Variants in DYRK1A observed in about 807,000 individuals in gnomAD.
The protein encoded by DYRK1A is dual specificity tyrosine phosphorylation regulated kinase 1A, also known as dual specificity tyrosine-phosphorylation-regulated kinase 1A.
DYRK1A carries 9 observed loss-of-function variants against 79.7 expected under a neutral mutation model. That is an observed-to-expected ratio of 0.11 (90% CI 0.07 to 0.20). The LOEUF (loss-of-function observed/expected upper bound fraction) is 0.20. DYRK1A is among the 10% of genes least tolerant of loss of function. The pLI, the probability that DYRK1A is intolerant of heterozygous loss-of-function variation, is 1.00. For missense variants in DYRK1A, 622 were observed against 956.0 expected, an observed-to-expected ratio of 0.65 and a Z score of 4.61; for synonymous variants, 349 against 329.7, an observed-to-expected ratio of 1.06 and a Z score of -0.63.
chr21:37,467,404 A>AT (rs909545886), intron 2 of DYRK1A, among the ~76,000 whole-genome samples: 7 of 151,988 alleles, frequency 4.6e-5, no homozygotes, highest in Non-Finnish European at 8.8e-5. Flanking sequence ...TAATGTTTTA[A>AT]TTTTTTTGTA....
intron 5 of DYRK1A, among the ~76,000 whole-genome samples, chr21:37,485,500 T>TA (rs1045956160): frequency 6.6e-6 from 1 of 152,220 alleles, no homozygotes; most frequent in African/African-American, 2.4e-5. Flanking sequence ...TCTGAGAACA[T>TA]ACGTTTCATC....
intron 2 of DYRK1A, among the ~76,000 whole-genome samples, chr21:37,458,203 C>G (rs1214084180): frequency 6.7e-6 from 1 of 150,260 alleles, no homozygotes; most frequent in Non-Finnish European, 1.5e-5. Flanking sequence ...CTGTAATATG[C>G]CTGTAGGCAC....
chr21:37,367,134 T>G lies in DYRK1A; in HGVS notation c.-571T>G, dbSNP rs1345592726. 1.3e-5 allele frequency: 2 copies of G among 152,242 alleles called. No homozygotes were observed. The highest frequency in any genetic ancestry group is 6.6e-5 in the Admixed American group (1 of 15,248). 9.4% of individuals were successfully genotyped at this position (152,242 alleles called of 1,614,324 possible). The stretch of plus-strand genomic sequence containing the variant: ...GATTGTGCGCGCGAGTGTGCGGGTG[T>G]GTGCGAGTGTCTGTCTGTCTGTGCG... On this transcript the variant is annotated 5_prime_UTR_variant, in exon 1 of 12. Coordinates refer to ENST00000647188, the MANE Select transcript of DYRK1A (RefSeq NM_001347721.2).
chr21:37,506,860 T>G (rs1203767698), intron 11 of DYRK1A, among the ~76,000 whole-genome samples: 1 of 152,050 alleles, frequency 6.6e-6, no homozygotes, highest in East Asian at 1.9e-4. Flanking sequence ...ATTTGATGGA[T>G]GAGTAAACTG....
chr21:37,438,276 C>T (rs1229169789), intron 2 of DYRK1A, among the ~76,000 whole-genome samples: 1 of 151,948 alleles, frequency 6.6e-6, no homozygotes, highest in Non-Finnish European at 1.5e-5. Flanking sequence ...TCTTTTTATT[C>T]TCTTTAAAAG....
At chr21:37,486,380 G>T in intron 5 of DYRK1A, 87 bp from the exon 6 acceptor site, 1 of 1,056,712 alleles carries the variant, frequency 9.5e-7, no homozygotes, top group Non-Finnish European at 1.3e-6. Context: ...TTGAGAATTA[G>T]GTAAATGTTA....
In DYRK1A at chr21:37,517,825, GTT is replaced by G. The variant is rs2053896133; in HGVS notation, c.*5296_*5297del. 2 of 152,180 alleles carry G rather than the reference GTT, an allele frequency of 1.3e-5. No individual in the cohort carries two copies. The highest frequency in any genetic ancestry group is 1.5e-5 in the Non-Finnish European group (1 of 68,042). 9.4% of individuals were successfully genotyped at this position (152,180 alleles called of 1,614,324 possible). ...CAGAGAAGGGCACTGCTGGGGTGGG[GTT>G]TGTTAACTCCCTCTGAAATGAAAGA... On this transcript the variant is annotated 3_prime_UTR_variant, in exon 12 of 12. Coordinates refer to ENST00000647188, the MANE Select transcript of DYRK1A (RefSeq NM_001347721.2).
At chr21:37,430,494 G>A (rs1025213423) in intron 2 of DYRK1A, 7 of 825,454 alleles carry the variant, frequency 8.5e-6, no homozygotes, top group East Asian at 1.2e-4. Context: ...CATGCACCGC[G>A]CAAATACCTG....
intron 1 of DYRK1A, among the ~76,000 whole-genome samples, chr21:37,369,513 C>G (rs1051236951): frequency 1.3e-5 from 2 of 152,212 alleles, no homozygotes; most frequent in South Asian, 2.1e-4. Context: ...TTTATTTATA[C>G]TTCAAACCAT....
chr21:37,451,987 C>G (rs2051468012), intron 2 of DYRK1A, among the ~76,000 whole-genome samples: 1 of 151,982 alleles, frequency 6.6e-6, no homozygotes, highest in Admixed American at 6.5e-5. Flanking sequence ...TGAAGAGCAC[C>G]ATTGAAGAAT....
chr21:37,453,326 C>T (rs1569335929), intron 2 of DYRK1A, among the ~76,000 whole-genome samples: 1 of 152,160 alleles, frequency 6.6e-6, no homozygotes, highest in Non-Finnish European at 1.5e-5. Context: ...CCACATATGA[C>T]TATTGTTGAC....
At chr21:37,481,234 C>G (rs1037071771) in intron 5 of DYRK1A, 1 of 153,484 alleles carries the variant, frequency 6.5e-6, no homozygotes, top group Non-Finnish European at 1.4e-5. Context: ...GGAGTCCACT[C>G]ACTTTTCAGG....
intron 1 of DYRK1A, among the ~76,000 whole-genome samples, chr21:37,411,075 A>AAAAG (rs397867664): frequency 8.1e-6 from 1 of 123,730 alleles, no homozygotes; most frequent in Non-Finnish European, 1.7e-5. Flanking sequence ...AAAAAAAAAA[A>AAAAG]GCCCAGGCGT....
chr21:37,435,595 C>T (rs1244642829), intron 2 of DYRK1A, among the ~76,000 whole-genome samples: 1 of 152,152 alleles, frequency 6.6e-6, no homozygotes, highest in Non-Finnish European at 1.5e-5. Flanking sequence ...TTAGCTTTGT[C>T]TCTTAAAATA....
chr21:37,467,197 C>T lies in DYRK1A; in HGVS notation c.11-5487C>T, dbSNP rs184771516. ...GTTTCACCAGTGAATCTACCACACA[C>T]GCATAAAATCATGACCAAATCGCAT... On this transcript the variant is annotated intron_variant, in intron 2 of 11. Coordinates refer to ENST00000647188, the MANE Select transcript of DYRK1A (RefSeq NM_001347721.2). Among the ~76,000 whole-genome samples the T allele has an allele frequency of 2.6e-4, 40 of 152,020 alleles. No individual in the cohort carries two copies. The South Asian group carries it at 3.9e-3, about 15-fold the overall frequency.
At chr21:37,448,811 C>T (rs1037803647) in intron 2 of DYRK1A, among the ~76,000 whole-genome samples, 32 of 152,174 alleles carry the variant, frequency 2.1e-4, no homozygotes, top group Non-Finnish European at 7.3e-5. Flanking sequence ...ATCCTCCCAT[C>T]TCAGCCTCCT....
At chr21:37,443,087 G>A (rs1402962210) in intron 2 of DYRK1A, among the ~76,000 whole-genome samples, 1 of 152,106 alleles carries the variant, frequency 6.6e-6, no homozygotes, top group African/African-American at 2.4e-5. Flanking sequence ...GCCTCTCAAA[G>A]TGCTGAGATT....
intron 1 of DYRK1A, among the ~76,000 whole-genome samples, chr21:37,388,035 T>TCTCC (rs2049794896): frequency 6.6e-6 from 1 of 151,814 alleles, no homozygotes; most frequent in South Asian, 2.1e-4. Flanking sequence ...TGTTTTTATC[T>TCTCC]CTCCCTCTTC....
intron 4 of DYRK1A, among the ~76,000 whole-genome samples, chr21:37,480,058 T>A (rs1420704694): frequency 1.3e-5 from 2 of 152,192 alleles, no homozygotes; most frequent in African/African-American, 2.4e-5. Flanking sequence ...AAACTGGGCA[T>A]GTCTCAGAGG....
Sources: gnomAD v4.1 joint callset for allele counts (sites outside exome capture counted in the v4.1 genomes callset) on GRCh38, gnomAD v4.1.1 for gene constraint, MANE v1.5 for transcripts, NCBI Gene and HGNC (gene_info 2026-07-23, HGNC 2026-07-21) for gene names.